Variants in TAFA5 observed in about 807,000 individuals in gnomAD.
TAFA5 encodes the protein chemokine-like protein TAFA-5.
TAFA5 carries 6 observed loss-of-function variants against 15.3 expected under a neutral mutation model. The ratio of observed to expected loss-of-function variants is 0.39; its 90% CI spans 0.21 to 0.77. TAFA5 has a LOEUF of 0.77. TAFA5 is among the 30% of genes least tolerant of loss of function. TAFA5 has a pLI of 0.41. For missense variants in TAFA5, 161 were observed against 193.1 expected (o/e 0.83, Z 0.98); for synonymous variants, 103 against 80.7 (o/e 1.28, Z -1.48).
chr22:48,643,690 TAC>T (rs1395974579), intron 1 of TAFA5, among the ~76,000 whole-genome samples: 1 of 152,224 alleles, frequency 6.6e-6, no homozygotes, highest in Non-Finnish European at 1.5e-5. Flanking sequence ...GGCTCAGCAG[TAC>T]CCCAGCACTG....
chr22:48,735,387 C>T (rs1450732462), intron 3 of TAFA5, among the ~76,000 whole-genome samples: 2 of 152,158 alleles, frequency 1.3e-5, no homozygotes, highest in African/African-American at 2.4e-5. Context: ...GACGCACAGT[C>T]CACAGGAAGA....
chr22:48,735,124 C>T (rs1187560692), intron 3 of TAFA5, among the ~76,000 whole-genome samples: 1 of 152,180 alleles, frequency 6.6e-6, no homozygotes, highest in Non-Finnish European at 1.5e-5. Context: ...GTTCTCATCC[C>T]GTTTTACAGA....
intron 2 of TAFA5, among the ~76,000 whole-genome samples, chr22:48,669,412 C>T (rs1927730370): frequency 6.6e-6 from 1 of 152,254 alleles, no homozygotes; most frequent in African/African-American, 2.4e-5. Context: ...CCACTGCGCC[C>T]ATGCAGTCCG....
intron 2 of TAFA5, among the ~76,000 whole-genome samples, chr22:48,705,397 G>A (rs1391017495): frequency 6.6e-6 from 1 of 152,184 alleles, no homozygotes; most frequent in South Asian, 2.1e-4. Flanking sequence ...AACTGAGGAC[G>A]AGAACCCATT....
chr22:48,665,792 C>T (rs539967778), intron 2 of TAFA5, among the ~76,000 whole-genome samples: 2 of 152,228 alleles, frequency 1.3e-5, no homozygotes, highest in Non-Finnish European at 2.9e-5. Context: ...TGAGATCACA[C>T]GCAGATTCCT....
At chr22:48,678,179 G>A (rs976419765) in intron 2 of TAFA5, among the ~76,000 whole-genome samples, 5 of 152,170 alleles carry the variant, frequency 3.3e-5, no homozygotes, top group East Asian at 3.9e-4. Flanking sequence ...TGGGCCCCAT[G>A]TTCCCTCTGC....
intron 1 of TAFA5, among the ~76,000 whole-genome samples, chr22:48,582,984 C>A: frequency 7.6e-6 from 1 of 131,518 alleles, no homozygotes; most frequent in African/African-American, 2.8e-5. Flanking sequence ...CAAAATACAC[C>A]ACACACAAAA....
At chr22:48,575,366 G>C (rs988872622) in intron 1 of TAFA5, among the ~76,000 whole-genome samples, 5 of 149,820 alleles carry the variant, frequency 3.3e-5, no homozygotes, top group Non-Finnish European at 7.4e-5. Flanking sequence ...CGCATCCGCG[G>C]CTCCGCGGCC....
At chr22:48,697,036 A>G (rs977909301) in intron 2 of TAFA5, among the ~76,000 whole-genome samples, 25 of 152,244 alleles carry the variant, frequency 1.6e-4, no homozygotes, top group African/African-American at 4.8e-4. Context: ...GGGATGGGGA[A>G]GATGGCGTGC....
chr22:48,666,274 G>A lies in TAFA5; in HGVS notation c.262+19528G>A, dbSNP rs183864808. ...AAATGCCAGCTATTATCCCAGCCGA[G>A]AAATGAGCCATGGGGCTTGTTCTAC... is the stretch of plus-strand genomic sequence containing the variant. On this transcript the variant is annotated intron_variant, in intron 2 of 3. Coordinates refer to ENST00000402357, the MANE Select transcript of TAFA5 (RefSeq NM_001082967.3). Among the ~76,000 whole-genome samples the A allele has an allele frequency of 5.3e-4, 81 of 152,300 alleles. 1 individual carries two copies. In the East Asian group the frequency reaches 0.014, roughly 25 times the overall value.
rs185397425 is a variant in TAFA5 at position 48,504,827 on chromosome 22, C to T, written c.112+15123C>T. ...CCCCTGCAGGCGATTGTGTTAGGATCCTTGCCAGCAGCAGCTGCCAGGGCA... is the reference window on the plus strand; with the variant it reads ...CCCCTGCAGGCGATTGTGTTAGGATTCTTGCCAGCAGCAGCTGCCAGGGCA... On this transcript the variant is annotated intron_variant, in intron 1 of 3. Transcript: ENST00000402357. Among the ~76,000 whole-genome samples the T allele has an allele frequency of 8.1e-4, 123 of 152,318 alleles. 1 individual carries two copies. The East Asian group carries it at 0.014, about 17-fold the overall frequency.
chr22:48,670,598 C>A (rs1370258488), intron 2 of TAFA5, among the ~76,000 whole-genome samples: 1 of 152,226 alleles, frequency 6.6e-6, no homozygotes, highest in East Asian at 1.9e-4. Flanking sequence ...GAAGCAGGAG[C>A]AGTAGCCGCG....
At chr22:48,584,616 G>GCACA (rs1411443244) in intron 1 of TAFA5, among the ~76,000 whole-genome samples, 1 of 124,828 alleles carries the variant, frequency 8.0e-6, no homozygotes, top group Non-Finnish European at 1.7e-5. Context: ...ACACACGCAT[G>GCACA]CACACACACC....
At chr22:48,625,538 T>A (rs187044726) in intron 1 of TAFA5, among the ~76,000 whole-genome samples, 4 of 152,334 alleles carry the variant, frequency 2.6e-5, no homozygotes, top group Admixed American at 2.0e-4. Flanking sequence ...GTGCTTACGA[T>A]CAGGTCCTTT....
intron 1 of TAFA5, among the ~76,000 whole-genome samples, chr22:48,574,292 G>T (rs1158579198): frequency 1.3e-5 from 2 of 152,138 alleles, no homozygotes; most frequent in African/African-American, 4.8e-5. Context: ...GTTTTCGGGG[G>T]CAGGTGGAGG....
chr22:48,501,458 G>A (rs555532377), intron 1 of TAFA5, among the ~76,000 whole-genome samples: 9 of 152,356 alleles, frequency 5.9e-5, no homozygotes, highest in African/African-American at 2.2e-4. Flanking sequence ...GAACTCGGGT[G>A]ACGGCCTCTG....
chr22:48,640,383 G>A (rs1005195864), intron 1 of TAFA5, among the ~76,000 whole-genome samples: 1 of 152,322 alleles, frequency 6.6e-6, no homozygotes, highest in Non-Finnish European at 1.5e-5. Context: ...CACGGCCTGC[G>A]GAAGCTCCTC....
In TAFA5 at chr22:48,490,231, C is replaced by T. The variant is rs1450100737; in HGVS notation, c.112+527C>T. 6.6e-6 allele frequency among the ~76,000 whole-genome samples: 1 copy of T among 152,120 alleles called. No homozygotes were observed. The highest frequency in any genetic ancestry group is 1.9e-4 in the East Asian group (1 of 5,150). ...CTTCCGCTTTCCCGGGAAACGGGCT[C>T]GTCAGGCGCCTTCTGGAAAGAGAAG... On this transcript the variant is annotated intron_variant, in intron 1 of 3. Transcript: ENST00000402357. This position sits in a 1 kb window ranked among gnomAD's most constrained non-coding sequence, Gnocchi z 5.8.
intron 2 of TAFA5, among the ~76,000 whole-genome samples, chr22:48,662,836 G>A (rs1011843775): frequency 8.5e-5 from 13 of 152,252 alleles, no homozygotes; most frequent in African/African-American, 2.9e-4. Context: ...TGGCCTACCC[G>A]CTGTCGCAGC....
Sources: gnomAD v4.1 joint callset for allele counts (sites outside exome capture counted in the v4.1 genomes callset) on GRCh38, gnomAD v4.1.1 for gene constraint, Gnocchi (gnomAD v3.1) non-coding constraint, MANE v1.5 for transcripts, NCBI Gene and HGNC (gene_info 2026-07-23, HGNC 2026-07-21) for gene names.